Variants in GABRB3 observed in about 807,000 individuals in gnomAD.
GABRB3 encodes the protein gamma-aminobutyric acid receptor subunit beta-3.
Under a neutral mutation model 52.1 loss-of-function variants are expected in GABRB3, and 14 were observed. The ratio of observed to expected loss-of-function variants is 0.27; its 90% CI spans 0.18 to 0.42. The LOEUF (loss-of-function observed/expected upper bound fraction) is 0.42, where lower values mean the gene tolerates loss of function less well. Ranked by LOEUF, GABRB3 falls within the 10% of genes least tolerant of loss-of-function variation. The pLI, the probability that GABRB3 is intolerant of heterozygous loss-of-function variation, is 1.00. For missense variants in GABRB3, 307 were observed against 609.1 expected, an observed-to-expected ratio of 0.50 and a Z score of 5.22; for synonymous variants, 260 against 232.3, an observed-to-expected ratio of 1.12 and a Z score of -1.08.
At chr15:26,628,087 C>A (rs143542402) in intron 3 of GABRB3, among the ~76,000 whole-genome samples, 1 of 152,312 alleles carries the variant, frequency 6.6e-6, no homozygotes, top group East Asian at 1.9e-4. Flanking sequence ...TTAGCACTTT[C>A]AGCAATACAG....
At chr15:26,753,862 A>T (rs1368217948) in intron 3 of GABRB3, among the ~76,000 whole-genome samples, 1 of 152,162 alleles carries the variant, frequency 6.6e-6, no homozygotes, top group African/African-American at 2.4e-5. Flanking sequence ...AGGTAAACCA[A>T]TGCTGTTGGT....
At chr15:26,593,098 G>A (rs1302774931) in intron 4 of GABRB3, among the ~76,000 whole-genome samples, 3 of 152,132 alleles carry the variant, frequency 2.0e-5, no homozygotes, top group African/African-American at 2.4e-5. Context: ...CCCAGGTGAT[G>A]CTGATGCTGG....
chr15:26,629,676 AC>A (rs1231838197), intron 3 of GABRB3, among the ~76,000 whole-genome samples: 1 of 151,916 alleles, frequency 6.6e-6, no homozygotes, highest in East Asian at 1.9e-4. Flanking sequence ...ACATCACCAA[AC>A]TCTTCAGCCC....
chr15:26,629,033 G>C (rs1364548954), intron 3 of GABRB3: 1 of 1,536,158 alleles, frequency 6.5e-7, no homozygotes, highest in Non-Finnish European at 8.7e-7. Context: ...CCGGTATCCC[G>C]GTGCTGAGGT....
chr15:26,604,515 T>C (rs1891708197), intron 4 of GABRB3, among the ~76,000 whole-genome samples: 1 of 152,098 alleles, frequency 6.6e-6, no homozygotes, highest in Admixed American at 6.6e-5. Context: ...GACTTTAAAT[T>C]ATAATATAGA....
intron 3 of GABRB3, among the ~76,000 whole-genome samples, chr15:26,670,758 C>T (rs955255754): frequency 5.3e-5 from 8 of 152,204 alleles, no homozygotes; most frequent in African/African-American, 1.9e-4. Context: ...ACACAAGCTA[C>T]AACTTGTAAA....
chr15:26,602,371 A>C (rs557165675), intron 4 of GABRB3, among the ~76,000 whole-genome samples: 25 of 152,318 alleles, frequency 1.6e-4, no homozygotes, highest in African/African-American at 5.8e-4. Context: ...AGATCAACAA[A>C]GAAACATAAG....
chr15:26,680,516 T>C (rs575510931), intron 3 of GABRB3, among the ~76,000 whole-genome samples: 4 of 68,408 alleles, frequency 5.8e-5, no homozygotes, highest in East Asian at 4.5e-4. Context: ...AGTTCTATTG[T>C]AGCCAAAAAT....
At chr15:26,712,633 T>A (rs1028302640) in intron 3 of GABRB3, among the ~76,000 whole-genome samples, 2 of 152,118 alleles carry the variant, frequency 1.3e-5, no homozygotes, top group African/African-American at 4.8e-5. Flanking sequence ...TCATTTAGGA[T>A]GTGAGTCTGG....
chr15:26,688,092 T>A (rs1288722988), intron 3 of GABRB3, among the ~76,000 whole-genome samples: 3 of 152,264 alleles, frequency 2.0e-5, no homozygotes, highest in Admixed American at 1.3e-4. Context: ...ACAAGACTGG[T>A]CATTTGAGTG....
intron 3 of GABRB3, among the ~76,000 whole-genome samples, chr15:26,718,991 T>G (rs1889573416): frequency 6.6e-6 from 1 of 152,240 alleles, no homozygotes; most frequent in Admixed American, 6.5e-5. Context: ...CTTCCTCCAC[T>G]GCCCTTCACC....
At chr15:26,632,047 T>C (rs1295791667) in intron 3 of GABRB3, among the ~76,000 whole-genome samples, 1 of 152,202 alleles carries the variant, frequency 6.6e-6, no homozygotes, top group Non-Finnish European at 1.5e-5. Context: ...GAAGCGAACG[T>C]GCCGAAGTCT....
At chr15:26,618,180 G>A (rs1042814372) in intron 4 of GABRB3, among the ~76,000 whole-genome samples, 176 of 152,080 alleles carry the variant, frequency 1.2e-3, no homozygotes, top group Non-Finnish European at 2.1e-4. Context: ...AAGTTCATAC[G>A]GAACCAAAAA....
intron 3 of GABRB3, chr15:26,658,523 T>C (rs1887443427): frequency 6.6e-6 from 1 of 152,358 alleles, no homozygotes; most frequent in African/African-American, 2.4e-5. Flanking sequence ...ACTATGCAGA[T>C]AGTCATAGTT....
intron 3 of GABRB3, among the ~76,000 whole-genome samples, chr15:26,694,511 A>G (rs1007324531): frequency 6.6e-6 from 1 of 152,202 alleles, no homozygotes; most frequent in Non-Finnish European, 1.5e-5. Context: ...CAAGAACACT[A>G]GATGAAACTT....
intron 8 of GABRB3, among the ~76,000 whole-genome samples, chr15:26,551,625 G>A (rs1406453295): frequency 6.6e-6 from 1 of 152,192 alleles, no homozygotes; most frequent in Non-Finnish European, 1.5e-5. Context: ...CCACACTGCA[G>A]CAAGTGTGCC....
chr15:26,575,943 C>T (rs1032226195), intron 6 of GABRB3, among the ~76,000 whole-genome samples: 2 of 152,144 alleles, frequency 1.3e-5, no homozygotes, highest in African/African-American at 2.4e-5. Flanking sequence ...ACATATCTTG[C>T]GAAAATCTCA....
At chr15:26,560,515 T>C (rs921535601) in intron 8 of GABRB3, among the ~76,000 whole-genome samples, 3 of 152,098 alleles carry the variant, frequency 2.0e-5, no homozygotes, top group African/African-American at 7.2e-5. Context: ...GGCTTACTGG[T>C]GAGAGGAAGA....
chr15:26,655,023 T>C (rs755542744), intron 3 of GABRB3, among the ~76,000 whole-genome samples: 8 of 152,108 alleles, frequency 5.3e-5, no homozygotes, highest in African/African-American at 7.2e-5. Flanking sequence ...TTCCTTTCTC[T>C]GATTATAAAA....
Sources: gnomAD v4.1 joint callset for allele counts (sites outside exome capture counted in the v4.1 genomes callset) on GRCh38, gnomAD v4.1.1 for gene constraint, MANE v1.5 for transcripts, NCBI Gene and HGNC (gene_info 2026-07-23, HGNC 2026-07-21) for gene names.